DCAF6: variants seen among roughly 807,000 people sequenced by gnomAD.
The protein encoded by DCAF6 is DDB1- and CUL4-associated factor 6.
Under a neutral mutation model 125.1 loss-of-function variants are expected in DCAF6, and 54 were observed. The observed-to-expected ratio is 0.43, with a 90% CI of 0.35 to 0.54. The LOEUF is 0.54. Ranked by LOEUF, DCAF6 falls within the 20% of genes least tolerant of loss-of-function variation. The pLI is 0.01. For synonymous variants in DCAF6, 371 were observed against 390.4 expected (o/e 0.95, Z 0.58); for missense variants, 934 against 1,161.7 (o/e 0.80, Z 2.85).
At chr1:167,945,564 T>C (rs750658900) in intron 1 of DCAF6, among the ~76,000 whole-genome samples, 1 of 152,214 alleles carries the variant, frequency 6.6e-6, no homozygotes, top group African/African-American at 2.4e-5. Flanking sequence ...CAATCTCGGC[T>C]TACTACAACC....
At position 168,055,938 on chromosome 1, in the gene DCAF6, T is replaced by C. The variant is rs1312524940; in HGVS notation, c.2300+5005T>C. On this transcript the variant is annotated intron_variant, in intron 17 of 21. Coordinates refer to ENST00000367840, the MANE Select transcript of DCAF6 (RefSeq NM_001198956.2). ...AGATTTTATGTATTTCTCATATGCT[T>C]CTTCACTCATAAGTTCATCTAGTTC... The C allele has an allele frequency of 3.8e-6, 6 of 1,581,550 alleles. No homozygotes were observed. The African/African-American group carries it at 8.4e-5, about 22-fold the overall frequency.
In DCAF6 at chr1:167,987,509, C is replaced by T; in HGVS notation, c.453C>T (p.Pro151=). 2 of 1,578,772 alleles carry T rather than the reference C, an allele frequency of 1.3e-6. No individual in the cohort carries two copies. Among genetic ancestry groups the T allele is most frequent in the African/African-American group, 1.3e-5 (1 of 74,320 alleles). ...TTCATCTTCAGATTATGACTGTACC[C>T]AATGACCCTTACACTTTTCTCTCTT... The part of the protein sequence containing the change: ...YGTTYEIMTV[P]NDPYTFLSCG... The change falls in exon 5 of 22, where the codon CCC becomes CCT. Residue 151 remains proline, a synonymous_variant. Transcript: ENST00000367840.
chr1:167,986,261 T>C (rs1571812502), intron 4 of DCAF6, among the ~76,000 whole-genome samples: 1 of 152,340 alleles, frequency 6.6e-6, no homozygotes, highest in East Asian at 1.9e-4. Flanking sequence ...TGATCAGCTT[T>C]AATAGATATT....
intron 3 of DCAF6, among the ~76,000 whole-genome samples, chr1:167,971,293 A>G (rs1173979690): frequency 6.6e-6 from 1 of 152,046 alleles, no homozygotes; most frequent in East Asian, 1.9e-4. Flanking sequence ...ATATTGTATT[A>G]TATTTGTTTG....
intron 21 of DCAF6, 23 bp downstream of exon 21, chr1:168,068,486 T>C (rs1444380154): frequency 1.6e-6 from 2 of 1,221,430 alleles, no homozygotes; most frequent in East Asian, 2.7e-5. Flanking sequence ...AGTATACTAC[T>C]AAAACCATTT....
chr1:167,888,945 A>G, the DCAF6 span, among the ~76,000 whole-genome samples: 1 of 151,888 alleles, frequency 6.6e-6, no homozygotes, highest in East Asian at 1.9e-4. Flanking sequence ...GTATACTGTG[A>G]CCTTGTTGAA....
intron 17 of DCAF6, among the ~76,000 whole-genome samples, chr1:168,059,643 G>A (rs766273803): frequency 2.0e-5 from 3 of 151,896 alleles, no homozygotes; most frequent in Non-Finnish European, 4.4e-5. Flanking sequence ...ATTTATTTAG[G>A]CCTTTTTTTC....
intron 17 of DCAF6, among the ~76,000 whole-genome samples, chr1:168,063,379 C>G (rs960254713): frequency 6.6e-6 from 1 of 152,032 alleles, no homozygotes; most frequent in Non-Finnish European, 1.5e-5. Context: ...ATGCTATTGC[C>G]TTTACTTTTC....
the DCAF6 span, among the ~76,000 whole-genome samples, chr1:167,878,822 G>A: frequency 6.6e-6 from 1 of 152,226 alleles, no homozygotes; most frequent in African/African-American, 2.4e-5. Flanking sequence ...CAGGGAGTTA[G>A]TTAGCCATTA....
At chr1:167,920,057 A>G in the DCAF6 span, 1 of 1,613,570 alleles carries the variant, frequency 6.2e-7, no homozygotes, top group Non-Finnish European at 8.5e-7. Context: ...ATTTTTTGGA[A>G]TAATTACAAG....
chr1:167,885,968 A>C, the DCAF6 span, among the ~76,000 whole-genome samples: 2 of 152,048 alleles, frequency 1.3e-5, no homozygotes, highest in Non-Finnish European at 2.9e-5. Flanking sequence ...TTTTCTATAG[A>C]GCTGTTACAG....
At chr1:167,896,515 T>C in the DCAF6 span, 2 of 1,139,734 alleles carry the variant, frequency 1.8e-6, no homozygotes, top group South Asian at 1.2e-5. Flanking sequence ...CACCCACCAG[T>C]AATGAAGCTG....
At chr1:167,908,484 A>C in the DCAF6 span, among the ~76,000 whole-genome samples, 325 of 152,334 alleles carry the variant, frequency 2.1e-3, 2 homozygotes, top group African/African-American at 7.3e-3. Flanking sequence ...GATCTAACCT[A>C]GAGCAAGGTG....
the DCAF6 span, among the ~76,000 whole-genome samples, chr1:167,867,471 T>C: frequency 6.6e-6 from 1 of 152,190 alleles, no homozygotes; most frequent in Non-Finnish European, 1.5e-5. Flanking sequence ...ATTGCTACAG[T>C]CCTATTATTT....
chr1:167,961,151 G>T (rs780656618), intron 2 of DCAF6, among the ~76,000 whole-genome samples: 7 of 152,202 alleles, frequency 4.6e-5, no homozygotes, highest in Middle Eastern at 3.4e-3. Flanking sequence ...TTCATTTCTG[G>T]TATTTAGGAA....
chr1:167,966,752 TGA>T, intron 3 of DCAF6, 31 bp downstream of exon 3: 1 of 1,336,196 alleles, frequency 7.5e-7, no homozygotes, highest in Non-Finnish European at 1.1e-6. Context: ...TGTAATTTAA[TGA>T]GAGAAAAAAA....
chr1:168,064,382 C>T (rs1692065625), intron 18 of DCAF6, among the ~76,000 whole-genome samples: 1 of 152,112 alleles, frequency 6.6e-6, no homozygotes, highest in Non-Finnish European at 1.5e-5. Context: ...CTGATCCCTT[C>T]ATAACTAGAA....
At chr1:167,874,339 TA>T in the DCAF6 span, among the ~76,000 whole-genome samples, 1 of 151,790 alleles carries the variant, frequency 6.6e-6, no homozygotes, top group South Asian at 2.1e-4. Flanking sequence ...TCAAAATAAA[TA>T]AATAAATAAA....
chr1:167,992,978 G>A (rs1435255603), intron 6 of DCAF6, among the ~76,000 whole-genome samples: 1 of 152,106 alleles, frequency 6.6e-6, no homozygotes. Context: ...TTTCAACAAA[G>A]CATACGTAAT....
Sources: gnomAD v4.1 joint callset for allele counts (sites outside exome capture counted in the v4.1 genomes callset) on GRCh38, gnomAD v4.1.1 for gene constraint, MANE v1.5 for transcripts, NCBI Gene and HGNC (gene_info 2026-07-23, HGNC 2026-07-21) for gene names.